RSPO2: variants seen among roughly 807,000 people sequenced by gnomAD.
The protein encoded by RSPO2 is R-spondin 2.
Under a neutral mutation model 30.9 loss-of-function variants are expected in RSPO2, and 14 were observed. The observed-to-expected ratio is 0.45, with a 90% CI of 0.30 to 0.71. The LOEUF (loss-of-function observed/expected upper bound fraction) is 0.71, where lower values mean the gene tolerates loss of function less well. Ranked by LOEUF, RSPO2 falls within the 30% of genes least tolerant of loss-of-function variation. RSPO2 has a pLI of 0.08. For missense variants in RSPO2, 264 were observed against 301.9 expected (o/e 0.87, Z 0.93); for synonymous variants, 107 against 96.4 (o/e 1.11, Z -0.64).
chr8:107,991,715 A>G (rs1244387589), intron 2 of RSPO2, among the ~76,000 whole-genome samples: 2 of 152,172 alleles, frequency 1.3e-5, no homozygotes. Context: ...ATCATTAACA[A>G]GCAGGCAAAG....
chr8:107,948,933 A>G (rs1003460280), intron 5 of RSPO2, among the ~76,000 whole-genome samples: 1 of 151,642 alleles, frequency 6.6e-6, no homozygotes, highest in African/African-American at 2.4e-5. Context: ...TTTGAAGAGT[A>G]ACTGCCCCCT....
chr8:108,014,034 A>G (rs1485959590), intron 2 of RSPO2, among the ~76,000 whole-genome samples: 1 of 152,232 alleles, frequency 6.6e-6, no homozygotes, highest in East Asian at 1.9e-4. Flanking sequence ...TGGATGAAGA[A>G]TAGGAACAGA....
chr8:107,992,174 T>TATACACACACAC (rs1814868550), intron 2 of RSPO2, among the ~76,000 whole-genome samples: 1 of 141,964 alleles, frequency 7.0e-6, no homozygotes, highest in Non-Finnish European at 1.5e-5. Flanking sequence ...GAAAATGTGA[T>TATACACACACAC]ACACACACAC....
At chr8:107,941,988 A>G (rs58227372) in intron 5 of RSPO2, among the ~76,000 whole-genome samples, 16,282 of 152,106 alleles carry the variant, frequency 0.11, 1,017 homozygotes, top group East Asian at 0.24. Context: ...AACTGCCACC[A>G]TCTGTAGGAG....
chr8:107,907,876 TTCAATTTTTCTCATAGAAGACA>T (rs1327814831), intron 5 of RSPO2, among the ~76,000 whole-genome samples: 4 of 152,142 alleles, frequency 2.6e-5, no homozygotes, highest in Non-Finnish European at 5.9e-5. Context: ...TCTTTAAGAC[TTCAATTTTTCTCATAGAAGACA>T]TTTTATTAGG....
Position 107,900,340 on chromosome 8 carries a change from GA to G in RSPO2, c.*734del, listed in dbSNP as rs879608082. On this transcript the variant is annotated 3_prime_UTR_variant, in exon 6 of 6. Transcript: ENST00000276659. ...ATGAGAAATAAGCCCACAATGAGGG[GA>G]AAAAAAAAAAGTTTCAAGAGGCAAC... is the stretch of plus-strand genomic sequence containing the variant. 1.3e-3 allele frequency: 187 copies of G among 143,970 alleles called. No individual in the cohort carries two copies. The highest frequency in any genetic ancestry group is 7.1e-3 in the Middle Eastern group (2 of 282). 8.9% of individuals were successfully genotyped at this position (143,970 alleles called of 1,614,324 possible).
rs962970462 is a variant in RSPO2 at position 107,989,056 on chromosome 8, T to C, written c.283A>G (p.Arg95Gly). The C allele has an allele frequency of 3.1e-5, 50 of 1,598,664 alleles. No homozygotes were observed. In the Admixed American group the frequency reaches 8.2e-4, roughly 26 times the overall value. ...AGGATAGACAAAACCAAATGCTCAC[T>C]TGCACATCTGTTCATATCTGGGGCT... ...HRAPDMNRCA[R>G]CRIENCDSCF... The change falls in exon 3 of 6, where the codon AGA becomes GGA. Residue 95 changes from arginine (R) to glycine (G), a missense_variant and splice_region_variant. Coordinates refer to ENST00000276659, the MANE Select transcript of RSPO2 (RefSeq NM_178565.5).
Position 107,960,713 on chromosome 8 carries a change from C to G in RSPO2, c.388G>C (p.Asp130His). ...GTTTCTTCTAATGGTGCAAAACCATCTGGACATTCATCAAAGCAACGGCCT... is the reference window on the plus strand; with the variant it reads ...GTTTCTTCTAATGGTGCAAAACCATGTGGACATTCATCAAAGCAACGGCCT... ...HRGRCFDECP[D>H]GFAPLEETME... Residue 130 changes from aspartate to histidine, a missense_variant, in exon 4 of 6, where the codon GAT (aspartate) becomes CAT (histidine). Transcript: ENST00000276659. 5 of 1,613,616 alleles carry G rather than the reference C, an allele frequency of 3.1e-6. No homozygotes were observed. The highest frequency in any genetic ancestry group is 4.2e-6 in the Non-Finnish European group (5 of 1,179,760).
At chr8:107,919,212 T>G (rs1812077371) in intron 5 of RSPO2, among the ~76,000 whole-genome samples, 1 of 152,056 alleles carries the variant, frequency 6.6e-6, no homozygotes, top group Admixed American at 6.6e-5. Context: ...TTTTCCACCT[T>G]CTTTAGCCAA....
At chr8:108,057,453 A>C (rs1285717122) in intron 2 of RSPO2, among the ~76,000 whole-genome samples, 1 of 152,062 alleles carries the variant, frequency 6.6e-6, no homozygotes, top group African/African-American at 2.4e-5. Flanking sequence ...TTTTTAAAGA[A>C]CTACAGTAAG....
intron 2 of RSPO2, among the ~76,000 whole-genome samples, chr8:108,005,683 T>C (rs1243338873): frequency 6.6e-6 from 1 of 152,166 alleles, no homozygotes; most frequent in African/African-American, 2.4e-5. Context: ...TTAAGTTGTA[T>C]TTTATGTGCA....
rs540900180 is a variant in RSPO2, at chr8:108,058,979, A to G, written c.94+23566T>C. The stretch of plus-strand genomic sequence containing the variant: ...TAAAACACCAAAAGCAATGGCAACA[A>G]AAGACAAAATTGACAAATGGGATCT... On this transcript the variant is annotated intron_variant, in intron 2 of 5. Coordinates refer to ENST00000276659, the MANE Select transcript of RSPO2 (RefSeq NM_178565.5). 1.6e-4 allele frequency among the ~76,000 whole-genome samples: 24 copies of G among 151,934 alleles called. No individual in the cohort carries two copies. In the East Asian group the frequency reaches 4.4e-3, roughly 28 times the overall value.
chr8:107,932,008 TA>T (rs1393622805), intron 5 of RSPO2, among the ~76,000 whole-genome samples: 3 of 152,170 alleles, frequency 2.0e-5, no homozygotes, highest in Non-Finnish European at 4.4e-5. Context: ...ATGTTTTTTT[TA>T]AAAGACTATC....
intron 5 of RSPO2, among the ~76,000 whole-genome samples, chr8:107,909,759 A>G (rs976326165): frequency 6.6e-6 from 1 of 152,164 alleles, no homozygotes; most frequent in African/African-American, 2.4e-5. Context: ...ATTTTCTGTA[A>G]ATTTATACTG....
intron 2 of RSPO2, among the ~76,000 whole-genome samples, chr8:108,003,301 ATATATATATATTTTTTTTTTT>A (rs1160052701): frequency 7.4e-3 from 183 of 24,572 alleles, no homozygotes; most frequent in African/African-American, 0.025. Context: ...ATATATATAT[ATATATATATATTTTTTTTTTT>A]TTTTTTTTTT....
intron 5 of RSPO2, among the ~76,000 whole-genome samples, chr8:107,938,315 C>T (rs998292136): frequency 6.6e-6 from 1 of 152,068 alleles, no homozygotes; most frequent in Non-Finnish European, 1.5e-5. Context: ...CAGGCAAATG[C>T]TTCAGCCTCC....
chr8:107,981,733 A>G lies in RSPO2; in HGVS notation c.283+7323T>C, dbSNP rs57347978. The stretch of plus-strand genomic sequence containing the variant: ...TGAAAAGCAAAATGTAGCAGCTCAC[A>G]CCCATAATCTCAACTACTTGCGAGG... On this transcript the variant is annotated intron_variant, in intron 3 of 5. Coordinates refer to ENST00000276659, the MANE Select transcript of RSPO2 (RefSeq NM_178565.5). Among the ~76,000 whole-genome samples the G allele has an allele frequency of 5.3e-5, 8 of 152,240 alleles. No individual in the cohort carries two copies. In the East Asian group the frequency reaches 1.2e-3, roughly 22 times the overall value.
At chr8:108,066,238 C>T (rs1812662983) in intron 2 of RSPO2, among the ~76,000 whole-genome samples, 1 of 152,110 alleles carries the variant, frequency 6.6e-6, no homozygotes, top group Non-Finnish European at 1.5e-5. Flanking sequence ...CCTTCCTCTC[C>T]TCTCTAAGCC....
intron 3 of RSPO2, among the ~76,000 whole-genome samples, chr8:107,984,364 G>A (rs1456803353): frequency 1.3e-5 from 2 of 152,224 alleles, no homozygotes; most frequent in African/African-American, 4.8e-5. Flanking sequence ...ATGGTGGCCG[G>A]AGGGGCTGCT....
Sources: gnomAD v4.1 joint callset for allele counts (sites outside exome capture counted in the v4.1 genomes callset) on GRCh38, gnomAD v4.1.1 for gene constraint, MANE v1.5 for transcripts, NCBI Gene and HGNC (gene_info 2026-07-23, HGNC 2026-07-21) for gene names.